TENM3: variants seen among roughly 807,000 people sequenced by gnomAD.
TENM3 encodes teneurin transmembrane protein 3.
Under a neutral mutation model 255.1 loss-of-function variants are expected in TENM3, and 63 were observed. That is an observed-to-expected ratio of 0.25 (90% CI 0.20 to 0.30). The LOEUF (loss-of-function observed/expected upper bound fraction) is 0.30. Ranked by LOEUF, TENM3 falls within the 10% of genes least tolerant of loss-of-function variation. The pLI is 1.00. For synonymous variants in TENM3, 1,306 were observed against 1,322.3 expected (o/e 0.99, Z 0.27); for missense variants, 2,929 against 3,461.1 (o/e 0.85, Z 3.86).
At chr4:182,240,285 C>T (rs1236628363), upstream of TENM3, among the ~76,000 whole-genome samples, 1 of 152,106 alleles carries the variant, frequency 6.6e-6, no homozygotes, top group Non-Finnish European at 1.5e-5. Flanking sequence ...TCATGGACGT[C>T]CACTGAGATC....
the TENM3 span, among the ~76,000 whole-genome samples, chr4:181,927,107 A>G: frequency 1.3e-5 from 2 of 152,142 alleles, no homozygotes; most frequent in African/African-American, 4.8e-5. Context: ...ACACCAAGCT[A>G]GCTGCAGGAG....
At chr4:181,941,112 G>A in the TENM3 span, among the ~76,000 whole-genome samples, 1 of 152,166 alleles carries the variant, frequency 6.6e-6, no homozygotes, top group Non-Finnish European at 1.5e-5. Flanking sequence ...AAATTTAGAT[G>A]TTACAAATAA....
chr4:181,831,965 A>G, the TENM3 span, among the ~76,000 whole-genome samples: 1 of 93,456 alleles, frequency 1.1e-5, no homozygotes, highest in Non-Finnish European at 2.3e-5. Flanking sequence ...TATATATATT[A>G]CATTGTGTGT....
At chr4:181,697,124 A>G in the TENM3 span, among the ~76,000 whole-genome samples, 1 of 152,216 alleles carries the variant, frequency 6.6e-6, no homozygotes, top group Admixed American at 6.5e-5. Flanking sequence ...TTTCAAAACT[A>G]CAACTATGGC....
intron 5 of TENM3, among the ~76,000 whole-genome samples, chr4:182,632,779 C>T (rs1360125146): frequency 2.0e-5 from 3 of 152,000 alleles, no homozygotes; most frequent in African/African-American, 7.2e-5. Context: ...CAAGACATAC[C>T]TGTAAAGTCC....
chr4:181,673,553 G>A, the TENM3 span, among the ~76,000 whole-genome samples: 1 of 152,152 alleles, frequency 6.6e-6, no homozygotes, highest in Non-Finnish European at 1.5e-5. Context: ...TCAGGGGAGA[G>A]AGCAATTGCA....
chr4:182,472,612 C>T (rs527653494), intron 3 of TENM3, among the ~76,000 whole-genome samples: 2 of 152,272 alleles, frequency 1.3e-5, no homozygotes, highest in East Asian at 1.9e-4. Context: ...CAATACCCTC[C>T]TACACATTTT....
intron 1 of TENM3, among the ~76,000 whole-genome samples, chr4:182,217,174 C>T (rs142369188): frequency 0.047 from 7,133 of 151,688 alleles, 548 homozygotes; most frequent in African/African-American, 0.16. Flanking sequence ...GTGCCCACCA[C>T]CATGTCCAGC....
chr4:182,559,989 A>G (rs1742983353), intron 3 of TENM3, among the ~76,000 whole-genome samples: 1 of 152,120 alleles, frequency 6.6e-6, no homozygotes, highest in Admixed American at 6.6e-5. Flanking sequence ...GATTTATTAC[A>G]CATTGTATCC....
At chr4:182,644,639 C>A (rs1286389011) in intron 5 of TENM3, among the ~76,000 whole-genome samples, 1 of 152,084 alleles carries the variant, frequency 6.6e-6, no homozygotes, top group African/African-American at 2.4e-5. Context: ...TAAAATTTTA[C>A]TGATAAATCT....
At chr4:181,750,970 A>G in the TENM3 span, among the ~76,000 whole-genome samples, 2 of 152,134 alleles carry the variant, frequency 1.3e-5, no homozygotes, top group African/African-American at 2.4e-5. Flanking sequence ...ATCTGCTTCT[A>G]CAGAGAGACC....
chr4:182,728,055 G>A (rs1317795377), intron 13 of TENM3, among the ~76,000 whole-genome samples: 3 of 151,892 alleles, frequency 2.0e-5, no homozygotes, highest in Non-Finnish European at 2.9e-5. Context: ...CACCATGTTG[G>A]CCAGGCTGGT....
intron 3 of TENM3, among the ~76,000 whole-genome samples, chr4:182,401,908 G>A (rs1309483761): frequency 2.0e-5 from 3 of 152,162 alleles, no homozygotes; most frequent in African/African-American, 7.2e-5. Context: ...AGAAGGGATG[G>A]TGCGATCCGT....
chr4:181,669,715 G>A, the TENM3 span, among the ~76,000 whole-genome samples: 9 of 152,260 alleles, frequency 5.9e-5, no homozygotes, highest in South Asian at 4.1e-4. Flanking sequence ...AACCTGGGAT[G>A]TCTATCTAGT....
the TENM3 span, among the ~76,000 whole-genome samples, chr4:181,595,806 C>T: frequency 5.3e-5 from 8 of 152,002 alleles, no homozygotes; most frequent in Non-Finnish European, 8.8e-5. Flanking sequence ...TTTTTCCTTG[C>T]TCATCCTTCT....
At chr4:181,694,438 G>A in the TENM3 span, among the ~76,000 whole-genome samples, 1,105 of 152,284 alleles carry the variant, frequency 7.3e-3, 53 homozygotes, top group East Asian at 0.13. Context: ...CTTTCAAGGT[G>A]TTAACAGGCT....
the TENM3 span, among the ~76,000 whole-genome samples, chr4:181,671,107 T>A: frequency 2.0e-5 from 3 of 151,994 alleles, no homozygotes; most frequent in African/African-American, 7.2e-5. Context: ...AAGTAAACGG[T>A]TAGAATTAGA....
At chr4:182,284,722 T>C (rs1442842990) in intron 1 of TENM3, among the ~76,000 whole-genome samples, 1 of 152,220 alleles carries the variant, frequency 6.6e-6, no homozygotes, top group African/African-American at 2.4e-5. Context: ...AGTGACCTTG[T>C]ACTCTCAACA....
intron 3 of TENM3, among the ~76,000 whole-genome samples, chr4:182,508,930 A>G (rs1047036268): frequency 6.6e-6 from 1 of 152,232 alleles, no homozygotes; most frequent in Non-Finnish European, 1.5e-5. Flanking sequence ...ACGTCCAGTA[A>G]ATTTTCTTTT....
Sources: gnomAD v4.1 joint callset for allele counts (sites outside exome capture counted in the v4.1 genomes callset) on GRCh38, gnomAD v4.1.1 for gene constraint, MANE v1.5 for transcripts, NCBI Gene and HGNC (gene_info 2026-07-23, HGNC 2026-07-21) for gene names.